Variants in MYLK observed in about 807,000 individuals in gnomAD.
MYLK encodes the protein myosin light chain kinase, smooth muscle.
A neutral mutation model predicts 203.4 loss-of-function variants in MYLK; 106 were observed. That is an observed-to-expected ratio of 0.52 (90% CI 0.45 to 0.61). The LOEUF is 0.61. Ranked by LOEUF, MYLK falls within the 20% of genes least tolerant of loss-of-function variation. The pLI, the probability that MYLK is intolerant of heterozygous loss-of-function variation, is 0.00. For missense variants in MYLK, 2,072 were observed against 2,442.3 expected (o/e 0.85, Z 3.20); for synonymous variants, 867 against 959.5 (o/e 0.90, Z 1.78).
At chr3:123,676,118 C>T (rs1381832951) in intron 20 of MYLK, among the ~76,000 whole-genome samples, 1 of 152,216 alleles carries the variant, frequency 6.6e-6, no homozygotes, top group Non-Finnish European at 1.5e-5. Context: ...TGGGTACCTT[C>T]CAGGTCTCCC....
intron 31 of MYLK, chr3:123,624,255 G>A (rs889992184): frequency 2.0e-5 from 3 of 151,400 alleles, no homozygotes; most frequent in African/African-American, 7.3e-5. Flanking sequence ...AGCCCACGAG[G>A]TTGAGACTGC....
At chr3:123,727,529 C>T (rs1051889816) in intron 11 of MYLK, among the ~76,000 whole-genome samples, 1 of 152,098 alleles carries the variant, frequency 6.6e-6, no homozygotes, top group African/African-American at 2.4e-5. Flanking sequence ...GTTGGGATAA[C>T]TAAATGAAAC....
intron 4 of MYLK, among the ~76,000 whole-genome samples, chr3:123,759,853 A>G (rs1036766518): frequency 6.6e-6 from 1 of 152,234 alleles, no homozygotes; most frequent in Admixed American, 6.5e-5. Flanking sequence ...GGAGAATAAG[A>G]GCTGATATAT....
intron 20 of MYLK, among the ~76,000 whole-genome samples, chr3:123,678,823 T>C (rs573573658): frequency 3.3e-5 from 5 of 152,168 alleles, no homozygotes; most frequent in South Asian, 2.1e-4. Context: ...TAAAAATGCA[T>C]AGAAAAAAGT....
chr3:123,720,187 C>A (rs559039574), intron 13 of MYLK, among the ~76,000 whole-genome samples: 1 of 152,290 alleles, frequency 6.6e-6, no homozygotes, highest in African/African-American at 2.4e-5. Context: ...TTGCCTGGGA[C>A]CTCTCTGTGC....
intron 23 of MYLK, among the ~76,000 whole-genome samples, chr3:123,661,441 G>C (rs552920375): frequency 2.0e-4 from 31 of 152,252 alleles, no homozygotes; most frequent in Admixed American, 2.0e-3. Context: ...GCCTCCACAG[G>C]TTCCTGACTC....
At chr3:123,863,092 C>G (rs2032053403) in intron 2 of MYLK, among the ~76,000 whole-genome samples, 1 of 152,164 alleles carries the variant, frequency 6.6e-6, no homozygotes, top group Non-Finnish European at 1.5e-5. Flanking sequence ...CTAGCTCTGT[C>G]TCAGTTTCTT....
Position 123,873,225 on chromosome 3 carries a change from G to A in MYLK, c.-127+3334C>T, listed in dbSNP as rs115069647. Among the ~76,000 whole-genome samples the A allele has an allele frequency of 5.2e-3, 789 of 152,094 alleles. 8 individuals carry two copies. Among genetic ancestry groups the A allele is most frequent in the African/African-American group, 0.018 (756 of 41,490 alleles). On this transcript the variant is annotated intron_variant, in intron 2 of 33. Coordinates refer to ENST00000360304, the MANE Select transcript of MYLK (RefSeq NM_053025.4). The stretch of plus-strand genomic sequence containing the variant: ...TCATCTCAACAGATCCGTAAAAAGC[G>A]CCTGAACAAATCATTATTCATTCAC...
chr3:123,825,648 T>A (rs962430871), intron 3 of MYLK, among the ~76,000 whole-genome samples: 3 of 152,234 alleles, frequency 2.0e-5, no homozygotes, highest in African/African-American at 7.2e-5. Context: ...CTCAGCCACC[T>A]CTGGATTGCA....
rs116682047 is a variant in MYLK, at chr3:123,723,914, G to A, written c.1652-1634C>T. On this transcript the variant is annotated intron_variant, in intron 12 of 33. Coordinates refer to ENST00000360304, the MANE Select transcript of MYLK (RefSeq NM_053025.4). The stretch of plus-strand genomic sequence containing the variant: ...TAGTTTTTACATATTTTAAATGGCC[G>A]AAAAATATAAAGGTAATTAATATAT... 8.6e-3 allele frequency among the ~76,000 whole-genome samples: 439 copies of A among 51,104 alleles called. 1 individual carries two copies. Among genetic ancestry groups the A allele is most frequent in the African/African-American group, 0.012 (221 of 18,120 alleles). 33.5% of individuals were successfully genotyped at this position (51,104 alleles called of 152,430 possible). A position where few individuals can be genotyped will look rare whatever the true frequency, so the allele number is the denominator to read the frequency against.
Position 123,647,098 on chromosome 3 carries a change from T to C in MYLK, c.4619+126A>G, listed in dbSNP as rs2059046293. 5.8e-6 allele frequency: 5 copies of C among 866,646 alleles called. No homozygotes were observed. The Admixed American group carries it at 8.0e-5, about 14-fold the overall frequency. The allele number at this position is 866,646 out of a possible 1,614,324, so 53.7% of individuals were successfully genotyped here. ...CCTGGCTGTATGGCTGGTGAGCATC[T>C]TACATATCACACTCCTGTCTGCAGT... On this transcript the variant is annotated intron_variant, in intron 27 of 33. Coordinates refer to ENST00000360304, the MANE Select transcript of MYLK (RefSeq NM_053025.4).
rs1060502533 is a variant in MYLK, at chr3:123,700,331, G to A, written c.3137C>T (p.Thr1046Ile). ...KPMGNAKPAE[T>I]LKPMGNAKPD... Reference sequence around the variant, plus strand: ...CTTGGCATTGCCCATGGGCTTCAGGGTCTCGGCAGGCTTGGCGTTGCCCAT... The same window carrying A: ...CTTGGCATTGCCCATGGGCTTCAGGATCTCGGCAGGCTTGGCGTTGCCCAT... The change falls in exon 18 of 34, where the codon ACC (threonine) becomes ATC (isoleucine). Residue 1046 changes from threonine to isoleucine, a missense_variant. Transcript: ENST00000360304. 3.7e-6 allele frequency: 6 copies of A among 1,613,730 alleles called. No homozygotes were observed. Among genetic ancestry groups the A allele is most frequent in the South Asian group, 1.1e-5 (1 of 91,030 alleles).
In MYLK at chr3:123,657,273, G is replaced by C; in HGVS notation, c.4141C>G (p.Leu1381Val). ...WDSANKTWKE[L>V]ATCRSTSFNV... is the part of the protein sequence containing the mutation. ...AAAGAGGTGCTGCGGCATGTGGCTA[G>C]TTCCTTCCACGTCTTGTTGGCTGAG... The change falls in exon 24 of 34, where the codon CTA (leucine) becomes GTA (valine). Residue 1381 changes from leucine (L) to valine (V), a missense_variant. Physicochemically the swap from Leu to Val is conservative, Grantham distance 32 (BLOSUM62 1). Transcript: ENST00000360304. 1.2e-6 allele frequency: 2 copies of C among 1,614,142 alleles called. No individual in the cohort carries two copies. The highest frequency in any genetic ancestry group is 1.7e-6 in the Non-Finnish European group (2 of 1,180,032).
chr3:123,611,650 T>TATTA lies in MYLK; in HGVS notation c.*2451_*2454dup, dbSNP rs1319026172. Reference sequence around the variant, plus strand: ...TTACATGTATTGTGCATTTTATTTCTATTATTATTACATTGTAATAATATA... The same window carrying TATTA: ...TTACATGTATTGTGCATTTTATTTCTATTAATTATTATTACATTGTAATAATATA... On this transcript the variant is annotated 3_prime_UTR_variant, in exon 34 of 34. Transcript: ENST00000360304. The TATTA allele has an allele frequency of 2.0e-5, 3 of 152,038 alleles. No homozygotes were observed. The highest frequency in any genetic ancestry group is 7.3e-5 in the African/African-American group (3 of 41,364). 9.4% of individuals were successfully genotyped at this position (152,038 alleles called of 1,614,324 possible).
At chr3:123,615,890 C>T (rs1420978847) in intron 33 of MYLK, among the ~76,000 whole-genome samples, 1 of 152,234 alleles carries the variant, frequency 6.6e-6, no homozygotes, top group Non-Finnish European at 1.5e-5. Flanking sequence ...CTCAAGTGAT[C>T]TGCCTGCCTT....
intron 3 of MYLK, among the ~76,000 whole-genome samples, chr3:123,809,546 CA>C (rs1347375868): frequency 1.3e-5 from 2 of 152,042 alleles, no homozygotes; most frequent in Non-Finnish European, 2.9e-5. Context: ...AACAAACAAA[CA>C]AAAAGAAGAC....
intron 2 of MYLK, among the ~76,000 whole-genome samples, chr3:123,861,057 G>A (rs1418097422): frequency 1.3e-5 from 2 of 151,734 alleles, no homozygotes; most frequent in Non-Finnish European, 2.9e-5. Flanking sequence ...GTGAACCCGG[G>A]AGGCGGAGCC....
At position 123,734,081 on chromosome 3, in the gene MYLK, G is replaced by A. The variant is rs1368982203; in HGVS notation, c.915C>T (p.Ser305=). ...KNCSSPQRGG[S]PPWAANSQPQ... is the part of the protein sequence containing the mutation. Reference sequence around the variant, plus strand: ...GCTGGCTGTTTGCAGCCCAGGGTGGGGAGCCACCTCTCTGGGGGCTGGAGC... The same window carrying A: ...GCTGGCTGTTTGCAGCCCAGGGTGGAGAGCCACCTCTCTGGGGGCTGGAGC... Residue 305 remains serine (S), a synonymous_variant, in exon 10 of 34, where the codon TCC becomes TCT. Transcript: ENST00000360304. 1 of 1,612,680 alleles carries A rather than the reference G, an allele frequency of 6.2e-7. No homozygotes were observed. Among genetic ancestry groups the A allele is most frequent in the South Asian group, 1.1e-5 (1 of 90,996 alleles).
chr3:123,825,350 C>T (rs951145392), intron 3 of MYLK, among the ~76,000 whole-genome samples: 33 of 152,136 alleles, frequency 2.2e-4, no homozygotes, highest in African/African-American at 8.0e-4. Context: ...AGCCACCCAA[C>T]CTCTGCAGAT....
Sources: allele counts gnomAD v4.1 joint callset (sites outside exome capture counted in the v4.1 genomes callset), GRCh38; gene constraint gnomAD v4.1.1; transcripts MANE v1.5; gene names NCBI Gene and HGNC (gene_info 2026-07-23, HGNC 2026-07-21).